The following SDHD variants were observed in gnomAD, a reference collection of about 807,000 sequenced individuals.
SDHD encodes succinate dehydrogenase complex subunit D.
A neutral mutation model predicts 18.7 loss-of-function variants in SDHD; 6 were observed. That is an observed-to-expected ratio of 0.32 (90% CI 0.18 to 0.63). The LOEUF (loss-of-function observed/expected upper bound fraction) is 0.63. SDHD is among the 30% of genes least tolerant of loss of function. The pLI is 0.79. For missense variants in SDHD, 160 were observed against 192.7 expected (o/e 0.83, Z 1.00); for synonymous variants, 56 against 73.9 (o/e 0.76, Z 1.24).
At chr11:112,092,166 A>ATAGG (rs1461759896) in intron 3 of SDHD, among the ~76,000 whole-genome samples, 5 of 152,128 alleles carry the variant, frequency 3.3e-5, no homozygotes, top group African/African-American at 1.2e-4. Context: ...TGACGGGTTG[A>ATAGG]TAGGTGCAGC....
At chr11:112,089,486 C>G (rs1865705453) in intron 3 of SDHD, among the ~76,000 whole-genome samples, 1 of 152,208 alleles carries the variant, frequency 6.6e-6, no homozygotes, top group Non-Finnish European at 1.5e-5. Context: ...CCTATTTTGT[C>G]TCTTCATGTT....
chr11:112,094,208 G>A (rs1257614565), intron 3 of SDHD, among the ~76,000 whole-genome samples: 2 of 151,934 alleles, frequency 1.3e-5, no homozygotes, highest in East Asian at 3.9e-4. Flanking sequence ...GACCAGCCTG[G>A]CCAATATGGT....
chr11:112,094,350 A>G (rs751767534), intron 3 of SDHD, among the ~76,000 whole-genome samples: 1 of 152,174 alleles, frequency 6.6e-6, no homozygotes, highest in Non-Finnish European at 1.5e-5. Flanking sequence ...GTGAGCCGAG[A>G]TCGTGCCACT....
chr11:112,087,791 T>C, intron 1 of SDHD, 66 bp from the exon 2 acceptor site: 3 of 994,460 alleles, frequency 3.0e-6, no homozygotes, highest in South Asian at 2.5e-5. Flanking sequence ...CTATGGTCAT[T>C]TAGAAAGTTT....
Position 112,095,273 on chromosome 11 carries a change from T to A in SDHD, c.*303T>A. 1 of 437,090 alleles carries A rather than the reference T, an allele frequency of 2.3e-6. No homozygotes were observed. Among genetic ancestry groups the A allele is most frequent in the Non-Finnish European group, 4.2e-6 (1 of 235,344 alleles). 27.1% of individuals were successfully genotyped at this position (437,090 alleles called of 1,614,324 possible). On this transcript the variant is annotated 3_prime_UTR_variant, in exon 4 of 4. Coordinates refer to ENST00000375549, the MANE Select transcript of SDHD (RefSeq NM_003002.4). Reference sequence around the variant, plus strand: ...CAGCTTTTGCCTTTCAATTTATCAATCTCTTAAAGAGAATCCAACTTTATT... The same window carrying A: ...CAGCTTTTGCCTTTCAATTTATCAAACTCTTAAAGAGAATCCAACTTTATT...
At chr11:112,091,164 C>G (rs1040701786) in intron 3 of SDHD, 7 of 843,396 alleles carry the variant, frequency 8.3e-6, no homozygotes, top group Non-Finnish European at 1.0e-5. Flanking sequence ...TGTCATCCCT[C>G]TTGAAGGAGC....
intron 3 of SDHD, among the ~76,000 whole-genome samples, chr11:112,093,741 T>G (rs1305195322): frequency 6.6e-6 from 1 of 152,220 alleles, no homozygotes; most frequent in Non-Finnish European, 1.5e-5. Flanking sequence ...TGCCTTCCTC[T>G]GATCTCTGCT....
intron 3 of SDHD, among the ~76,000 whole-genome samples, chr11:112,091,636 T>C (rs1734297233): frequency 2.0e-5 from 3 of 152,070 alleles, no homozygotes; most frequent in Admixed American, 1.3e-4. Context: ...CGCTCTTTTT[T>C]CCCCCCAAAT....
In SDHD at chr11:112,088,039, C is replaced by A. The variant is rs546866647; in HGVS notation, c.169+66C>A. ...ATCTTTACCTTCACTAATGGTCATG[C>A]CTTTAGCAGGACTTCCTACCTGTAG... On this transcript the variant is annotated intron_variant, in intron 2 of 3. Coordinates refer to ENST00000375549, the MANE Select transcript of SDHD (RefSeq NM_003002.4). The A allele has an allele frequency of 3.5e-5, 39 of 1,124,564 alleles. No homozygotes were observed. The South Asian group carries it at 4.4e-4, about 13-fold the overall frequency. The allele number at this position is 1,124,564 out of a possible 1,614,324, so 69.7% of individuals were successfully genotyped here.
intron 3 of SDHD, among the ~76,000 whole-genome samples, chr11:112,091,983 G>A (rs552903189): frequency 5.9e-4 from 90 of 152,286 alleles, no homozygotes; most frequent in Middle Eastern, 3.4e-3. Flanking sequence ...CAGAAGAACC[G>A]CTGGAACCCA....
intron 3 of SDHD, chr11:112,093,075 C>T (rs548059516): frequency 1.3e-3 from 242 of 189,862 alleles, no homozygotes; most frequent in African/African-American, 6.8e-3. Context: ...GCTCTTGTCG[C>T]TCAGGCTGGA....
intron 3 of SDHD, among the ~76,000 whole-genome samples, chr11:112,091,807 G>A (rs1030186552): frequency 6.6e-6 from 1 of 152,144 alleles, no homozygotes; most frequent in Admixed American, 6.5e-5. Flanking sequence ...GTGGTCTCAC[G>A]CCTGTAATCC....
At position 112,088,889 on chromosome 11, in the gene SDHD, C is replaced by A. The variant is rs1592780337; in HGVS notation, c.192C>A (p.Leu64=). Residue 64 remains leucine, a synonymous_variant, in exon 3 of 4, where the codon CTC becomes CTA. Coordinates refer to ENST00000375549, the MANE Select transcript of SDHD (RefSeq NM_003002.4). The part of the protein sequence containing the change: ...SHHSGSKAAS[L]HWTSERVVSV... ...TAGCTGGCTCCAAGGCTGCATCTCT[C>A]CACTGGACTAGCGAGAGGGTTGTCA... 1 of 1,612,486 alleles carries A rather than the reference C, an allele frequency of 6.2e-7. No homozygotes were observed.
chr11:112,089,613 T>C (rs1488274951), intron 3 of SDHD, among the ~76,000 whole-genome samples: 1 of 151,540 alleles, frequency 6.6e-6, no homozygotes, highest in African/African-American at 2.4e-5. Context: ...TTGAGATTCC[T>C]TGAACATGCC....
At chr11:112,092,699 A>G (rs1429428136) in intron 3 of SDHD, among the ~76,000 whole-genome samples, 2 of 152,192 alleles carry the variant, frequency 1.3e-5, no homozygotes, top group Non-Finnish European at 2.9e-5. Flanking sequence ...ACTTTGGAAA[A>G]CATTCTGGCA....
At chr11:112,093,309 G>A (rs755174755) in intron 3 of SDHD, 3 of 216,612 alleles carry the variant, frequency 1.4e-5, no homozygotes, top group Non-Finnish European at 2.9e-5. Flanking sequence ...CAGGTGATCC[G>A]CCCACTTCAC....
At chr11:112,090,041 C>T (rs1295799146) in intron 3 of SDHD, among the ~76,000 whole-genome samples, 6 of 152,048 alleles carry the variant, frequency 3.9e-5, no homozygotes, top group South Asian at 2.1e-4. Context: ...CTCTCTGGTA[C>T]GTGACATATA....
At chr11:112,092,419 C>T (rs947640002) in intron 3 of SDHD, among the ~76,000 whole-genome samples, 1 of 152,206 alleles carries the variant, frequency 6.6e-6, no homozygotes, top group South Asian at 2.1e-4. Flanking sequence ...CCCACCCACT[C>T]TGTTCATTCA....
rs191996767 is a variant in SDHD at position 112,088,617 on chromosome 11, T to A, written c.170-250T>A. The A allele has an allele frequency of 1.7e-3, 949 of 554,156 alleles. 9 individuals carry two copies. The highest frequency in any genetic ancestry group is 0.015 in the African/African-American group (808 of 52,930). The allele number at this position is 554,156 out of a possible 1,614,324, so 34.3% of individuals were successfully genotyped here. A position where few individuals can be genotyped will look rare whatever the true frequency, so the allele number is the denominator to read the frequency against. On this transcript the variant is annotated intron_variant, in intron 2 of 3. Coordinates refer to ENST00000375549, the MANE Select transcript of SDHD (RefSeq NM_003002.4). ...TCTGTTTTTTATCCATCTTCTTGGA[T>A]CTGTCTTCTAATCAATATGTAGGCA...
Sources: allele counts gnomAD v4.1 joint callset (sites outside exome capture counted in the v4.1 genomes callset), GRCh38; gene constraint gnomAD v4.1.1; transcripts MANE v1.5; gene names NCBI Gene and HGNC (gene_info 2026-07-23, HGNC 2026-07-21).